The following BANK1 variants were observed in gnomAD, a reference collection of about 807,000 sequenced individuals.
The protein encoded by BANK1 is B-cell scaffold protein with ankyrin repeats.
Under a neutral mutation model 94.5 loss-of-function variants are expected in BANK1, and 95 were observed. The ratio of observed to expected loss-of-function variants is 1.00; its 90% confidence interval spans 0.85 to 1.19. The LOEUF (loss-of-function observed/expected upper bound fraction) is 1.19, where lower values mean the gene tolerates loss of function less well. Among genes scored for constraint, BANK1 ranks in the 50% most tolerant of loss-of-function variants. BANK1 has a pLI of 0.00. For synonymous variants in BANK1, 334 were observed against 308.4 expected (o/e 1.08, Z -0.87); for missense variants, 987 against 932.2 (o/e 1.06, Z -0.77).
chr4:101,900,598 G>A (rs755994441), intron 6 of BANK1, among the ~76,000 whole-genome samples: 1 of 152,068 alleles, frequency 6.6e-6, no homozygotes, highest in Non-Finnish European at 1.5e-5. Context: ...AGGATTGTGG[G>A]ACATACTGAT....
chr4:101,813,468 G>T (rs1384760937), intron 1 of BANK1, among the ~76,000 whole-genome samples: 1 of 152,122 alleles, frequency 6.6e-6, no homozygotes, highest in Non-Finnish European at 1.5e-5. Flanking sequence ...AGCCACTATG[G>T]TGATTCTCAA....
chr4:102,016,266 G>T (rs1281137244), intron 7 of BANK1, among the ~76,000 whole-genome samples: 2 of 152,180 alleles, frequency 1.3e-5, no homozygotes, highest in Non-Finnish European at 2.9e-5. Flanking sequence ...TATATTGTTT[G>T]TCTTCTCCAC....
intron 2 of BANK1, among the ~76,000 whole-genome samples, chr4:101,849,312 C>T (rs1317896193): frequency 1.3e-5 from 2 of 152,142 alleles, no homozygotes; most frequent in Middle Eastern, 3.2e-3. Flanking sequence ...CTTCCTGGAT[C>T]TCATGGAGAC....
intron 6 of BANK1, among the ~76,000 whole-genome samples, chr4:101,905,863 G>A (rs1003499556): frequency 7.2e-5 from 11 of 152,174 alleles, no homozygotes; most frequent in African/African-American, 9.6e-5. Context: ...AGAGATTCCT[G>A]TAACCAAACT....
intron 2 of BANK1, among the ~76,000 whole-genome samples, chr4:101,839,929 A>C: frequency 8.3e-6 from 1 of 120,776 alleles, no homozygotes; most frequent in South Asian, 2.6e-4. Context: ...TATAATTTCA[A>C]ATATTTAATT....
At chr4:102,012,840 A>G (rs1042596812) in intron 7 of BANK1, among the ~76,000 whole-genome samples, 20 of 152,154 alleles carry the variant, frequency 1.3e-4, no homozygotes, top group Admixed American at 1.3e-3. Flanking sequence ...GAACAAAAAA[A>G]AAATTGCCTC....
At chr4:101,884,725 T>C (rs1728786832) in intron 5 of BANK1, among the ~76,000 whole-genome samples, 1 of 152,330 alleles carries the variant, frequency 6.6e-6, no homozygotes, top group African/African-American at 2.4e-5. Flanking sequence ...TACATATCAA[T>C]GTTACTTACT....
At chr4:101,887,850 CTT>C (rs953181489) in intron 5 of BANK1, among the ~76,000 whole-genome samples, 2 of 152,108 alleles carry the variant, frequency 1.3e-5, no homozygotes, top group African/African-American at 2.4e-5. Context: ...GAAAATATCT[CTT>C]TTAGATTTAT....
intron 13 of BANK1, among the ~76,000 whole-genome samples, chr4:102,069,352 A>G (rs1728686422): frequency 6.6e-6 from 1 of 152,212 alleles, no homozygotes; most frequent in Admixed American, 6.5e-5. Context: ...TATGAAAGCA[A>G]ATGGCCCAGA....
rs1725706605 is a variant in BANK1, at chr4:101,810,628, A to T, written c.71-19180A>T. ...TATTGACCAAACAAAATAAATAAGA[A>T]TGTCCCATTATTGTTTATTTACAAT... On this transcript the variant is annotated intron_variant, in intron 1 of 16. Coordinates refer to ENST00000322953, the MANE Select transcript of BANK1 (RefSeq NM_017935.5). Among the ~76,000 whole-genome samples the T allele has an allele frequency of 3.9e-5, 6 of 152,348 alleles. No individual in the cohort carries two copies. In the South Asian group the frequency reaches 1.2e-3, roughly 32 times the overall value.
intron 12 of BANK1, chr4:102,062,524 A>G (rs1031894690): frequency 6.6e-6 from 1 of 152,276 alleles, no homozygotes; most frequent in South Asian, 2.1e-4. Flanking sequence ...TTAAAAAGAT[A>G]ATGTTCAATA....
Position 101,863,381 on chromosome 4 carries a change from T to C in BANK1, c.763+717T>C, listed in dbSNP as rs78955209. Among the ~76,000 whole-genome samples, 1,251 of 152,176 alleles carry C rather than the reference T, an allele frequency of 8.2e-3. 15 individuals carry two copies. Among genetic ancestry groups the C allele is most frequent in the African/African-American group, 0.029 (1,188 of 41,564 alleles). On this transcript the variant is annotated intron_variant, in intron 4 of 16. Transcript: ENST00000322953. ...GTCTTTTCCTGATCAGAGAATAAAA[T>C]CATCTTATTAAACCTCATAAATGTG...
At chr4:101,890,361 T>C (rs1452030147) in intron 5 of BANK1, among the ~76,000 whole-genome samples, 1 of 152,026 alleles carries the variant, frequency 6.6e-6, no homozygotes, top group East Asian at 1.9e-4. Context: ...GGTGCATATG[T>C]ATTCAGGATT....
chr4:101,960,681 G>A (rs1038390401), intron 7 of BANK1, among the ~76,000 whole-genome samples: 1 of 152,118 alleles, frequency 6.6e-6, no homozygotes, highest in Non-Finnish European at 1.5e-5. Flanking sequence ...CTTTCTTTTC[G>A]TTGTTTCGTC....
At chr4:101,804,061 A>C (rs908703991) in intron 1 of BANK1, among the ~76,000 whole-genome samples, 3 of 151,100 alleles carry the variant, frequency 2.0e-5, no homozygotes, top group Non-Finnish European at 4.4e-5. Context: ...TAGACATGTC[A>C]TGAATGCATA....
At chr4:101,920,931 T>C (rs889411895) in intron 7 of BANK1, among the ~76,000 whole-genome samples, 15 of 150,978 alleles carry the variant, frequency 9.9e-5, no homozygotes, top group African/African-American at 3.6e-4. Context: ...AGGAGGAGGA[T>C]GAAGATAAAG....
rs1413597782 is a variant in BANK1 at position 102,057,312 on chromosome 4, TTCTC to T, written c.1970-2897_1970-2894del. ...TCTTTCTCTCTTTCTCTCTCCCTGTTTCTCTATTTCTCTCTCTCTCTCTCTTTCT... is the reference window on the plus strand; with the variant it reads ...TCTTTCTCTCTTTCTCTCTCCCTGTTTATTTCTCTCTCTCTCTCTCTTTCT... On this transcript the variant is annotated intron_variant, in intron 11 of 16. Transcript: ENST00000322953. 7.4e-5 allele frequency among the ~76,000 whole-genome samples: 11 copies of T among 148,734 alleles called. 1 individual carries two copies. The South Asian group carries it at 1.1e-3, about 15-fold the overall frequency.
chr4:101,934,290 A>G (rs924760010), intron 7 of BANK1, among the ~76,000 whole-genome samples: 1 of 151,416 alleles, frequency 6.6e-6, no homozygotes, highest in African/African-American at 2.4e-5. Context: ...CTTGTTTGAA[A>G]TGAGCCTCTC....
chr4:101,911,511 C>G lies in BANK1; in HGVS notation c.1010-6482C>G, dbSNP rs914095905. On this transcript the variant is annotated intron_variant, in intron 6 of 16. Transcript: ENST00000322953. Reference sequence around the variant, plus strand: ...TAAATACTGCCCTTTAGGAAGAAGCCCCATTGGGTTCACAGATTAATTCCC... The same window carrying G: ...TAAATACTGCCCTTTAGGAAGAAGCGCCATTGGGTTCACAGATTAATTCCC... Among the ~76,000 whole-genome samples the G allele has an allele frequency of 6.7e-5, 10 of 149,198 alleles. No homozygotes were observed. The East Asian group carries it at 1.9e-3, about 29-fold the overall frequency.
Sources: gnomAD v4.1 joint callset for allele counts (sites outside exome capture counted in the v4.1 genomes callset) on GRCh38, gnomAD v4.1.1 for gene constraint, MANE v1.5 for transcripts, NCBI Gene and HGNC (gene_info 2026-07-23, HGNC 2026-07-21) for gene names.